Variants in RBMS3 observed in about 807,000 individuals in gnomAD.
RBMS3 encodes RNA-binding motif, single-stranded-interacting protein 3.
RBMS3 carries 27 observed loss-of-function variants against 66.8 expected under a neutral mutation model. The observed-to-expected ratio is 0.40, with a 90% confidence interval of 0.30 to 0.56. The LOEUF (loss-of-function observed/expected upper bound fraction) is 0.56, where lower values mean the gene tolerates loss of function less well. RBMS3 is among the 20% of genes least tolerant of loss of function. RBMS3 has a pLI of 0.40. For synonymous variants in RBMS3, 188 were observed against 183.0 expected (o/e 1.03, Z -0.22); for missense variants, 513 against 549.5 (o/e 0.93, Z 0.66).
intron 6 of RBMS3, among the ~76,000 whole-genome samples, chr3:29,770,258 A>G (rs1020903641): frequency 6.6e-6 from 1 of 152,012 alleles, no homozygotes; most frequent in African/African-American, 2.4e-5. Context: ...AAAACAAAAA[A>G]GAGAATTTCC....
At chr3:29,439,126 T>C (rs557977051) in intron 2 of RBMS3, among the ~76,000 whole-genome samples, 109 of 152,248 alleles carry the variant, frequency 7.2e-4, no homozygotes, top group African/African-American at 2.5e-3. Flanking sequence ...AAAAGCCACG[T>C]GACTATAGCA....
intron 4 of RBMS3, among the ~76,000 whole-genome samples, chr3:29,670,935 A>G (rs1205949218): frequency 6.6e-6 from 1 of 152,212 alleles, no homozygotes; most frequent in Non-Finnish European, 1.5e-5. Context: ...AGATCTGAGA[A>G]TGGACAGACT....
chr3:29,455,280 C>T (rs2125768751), intron 2 of RBMS3, among the ~76,000 whole-genome samples: 1 of 152,230 alleles, frequency 6.6e-6, no homozygotes, highest in South Asian at 2.1e-4. Context: ...CAGGAATTGT[C>T]TTATCCTTTA....
At chr3:29,855,105 C>A (rs1298019097) in intron 6 of RBMS3, among the ~76,000 whole-genome samples, 1 of 152,150 alleles carries the variant, frequency 6.6e-6, no homozygotes, top group Non-Finnish European at 1.5e-5. Flanking sequence ...TACTCCCAAT[C>A]TTTTATTCAT....
chr3:29,880,004 A>G (rs1317350137), intron 7 of RBMS3, among the ~76,000 whole-genome samples: 2 of 152,304 alleles, frequency 1.3e-5, no homozygotes, highest in Admixed American at 6.5e-5. Flanking sequence ...AGAATATCAA[A>G]TAACTATCTC....
At chr3:29,922,760 A>C (rs1460678245) in intron 10 of RBMS3, among the ~76,000 whole-genome samples, 4 of 152,176 alleles carry the variant, frequency 2.6e-5, no homozygotes, top group Non-Finnish European at 5.9e-5. Context: ...AAACAGATCA[A>C]TTTTTGTTTC....
At chr3:29,696,938 G>A (rs1181293642) in intron 4 of RBMS3, 1 of 983,572 alleles carries the variant, frequency 1.0e-6, no homozygotes, top group African/African-American at 1.8e-5. Context: ...TGGTCGTTTG[G>A]GTTTTTTTTA....
At chr3:29,558,191 A>G (rs1576222070) in intron 3 of RBMS3, among the ~76,000 whole-genome samples, 1 of 152,342 alleles carries the variant, frequency 6.6e-6, no homozygotes, top group East Asian at 1.9e-4. Context: ...GAAGAACAGA[A>G]GAAAGTAATA....
At chr3:29,665,252 A>G (rs2050705963) in intron 4 of RBMS3, among the ~76,000 whole-genome samples, 1 of 152,178 alleles carries the variant, frequency 6.6e-6, no homozygotes, top group South Asian at 2.1e-4. Context: ...TTTAAACATG[A>G]GGCTGCTGAA....
intron 3 of RBMS3, among the ~76,000 whole-genome samples, chr3:29,492,585 T>C (rs946019745): frequency 6.6e-6 from 1 of 152,108 alleles, no homozygotes; most frequent in East Asian, 1.9e-4. Flanking sequence ...TAGACCATGA[T>C]GAAAATGAAG....
At chr3:29,517,294 T>TGTGTGA in intron 3 of RBMS3, among the ~76,000 whole-genome samples, 1 of 138,294 alleles carries the variant, frequency 7.2e-6, no homozygotes, top group African/African-American at 3.0e-5. Context: ...TGTGTGTGTG[T>TGTGTGA]GTGTGTGTGT....
intron 2 of RBMS3, among the ~76,000 whole-genome samples, chr3:29,452,515 G>A (rs1255479917): frequency 6.6e-6 from 1 of 152,140 alleles, no homozygotes; most frequent in African/African-American, 2.4e-5. Context: ...GATTTCAAAT[G>A]TCAATAATTA....
chr3:29,352,452 A>G (rs1359226638), intron 1 of RBMS3, among the ~76,000 whole-genome samples: 1 of 152,006 alleles, frequency 6.6e-6, no homozygotes, highest in Non-Finnish European at 1.5e-5. Flanking sequence ...CCAGTATTTT[A>G]TATTTATTTT....
At chr3:29,937,582 A>G (rs757804296) in intron 11 of RBMS3, among the ~76,000 whole-genome samples, 2 of 151,998 alleles carry the variant, frequency 1.3e-5, no homozygotes, top group Non-Finnish European at 2.9e-5. Flanking sequence ...CAAAGTGCCT[A>G]TCACTAAGAT....
intron 6 of RBMS3, among the ~76,000 whole-genome samples, chr3:29,794,612 CA>C (rs1473500066): frequency 1.3e-5 from 2 of 151,976 alleles, no homozygotes; most frequent in African/African-American, 4.8e-5. Flanking sequence ...ACAACAACAA[CA>C]AAAACACATG....
chr3:29,668,967 C>G (rs1428403014), intron 4 of RBMS3, among the ~76,000 whole-genome samples: 1 of 152,180 alleles, frequency 6.6e-6, no homozygotes, highest in African/African-American at 2.4e-5. Context: ...TCATTTTCCC[C>G]TTTGCCAGAT....
chr3:29,500,095 T>A (rs1035799547), intron 3 of RBMS3, among the ~76,000 whole-genome samples: 6 of 151,444 alleles, frequency 4.0e-5, no homozygotes, highest in African/African-American at 1.2e-4. Flanking sequence ...AAAGAAGAAT[T>A]ACATAAGGTA....
At chr3:29,511,170 A>C (rs1039822584) in intron 3 of RBMS3, among the ~76,000 whole-genome samples, 1 of 152,078 alleles carries the variant, frequency 6.6e-6, no homozygotes, top group Admixed American at 6.6e-5. Flanking sequence ...GGCGGCATGC[A>C]CCTGTAATCC....
At chr3:29,372,051 G>A (rs2038231634) in intron 1 of RBMS3, among the ~76,000 whole-genome samples, 1 of 152,174 alleles carries the variant, frequency 6.6e-6, no homozygotes, top group South Asian at 2.1e-4. Context: ...AAAGGCACCT[G>A]GTAAGTAGGG....
Sources: allele counts gnomAD v4.1 joint callset (sites outside exome capture counted in the v4.1 genomes callset), GRCh38; gene constraint gnomAD v4.1.1; transcripts MANE v1.5; gene names NCBI Gene and HGNC (gene_info 2026-07-23, HGNC 2026-07-21).